Variants in VDAC1 observed in about 807,000 individuals in gnomAD.
VDAC1 encodes non-selective voltage-gated ion channel VDAC1.
VDAC1 carries 10 observed loss-of-function variants against 34.7 expected under a neutral mutation model. The observed-to-expected ratio is 0.29, with a 90% CI of 0.18 to 0.49. VDAC1 has a LOEUF of 0.49. Among genes scored for constraint, VDAC1 ranks in the 20% least tolerant of loss-of-function variants. The pLI, the probability that VDAC1 is intolerant of heterozygous loss-of-function variation, is 0.99. For missense variants in VDAC1, 230 were observed against 347.9 expected, an observed-to-expected ratio of 0.66 and a Z score of 2.69; for synonymous variants, 130 against 136.0, an observed-to-expected ratio of 0.96 and a Z score of 0.30.
chr5:134,075,636 T>G, the VDAC1 span, among the ~76,000 whole-genome samples: 5 of 152,222 alleles, frequency 3.3e-5, no homozygotes. Context: ...CAGGCTCGAG[T>G]GCAGTGGCGC....
the VDAC1 span, among the ~76,000 whole-genome samples, chr5:134,025,817 A>G: frequency 6.6e-6 from 1 of 151,924 alleles, no homozygotes; most frequent in African/African-American, 2.4e-5. Context: ...GCTGGTCTTG[A>G]ACTCCTGGCC....
At chr5:134,084,902 A>G in the VDAC1 span, among the ~76,000 whole-genome samples, 1 of 152,216 alleles carries the variant, frequency 6.6e-6, no homozygotes, top group Non-Finnish European at 1.5e-5. Flanking sequence ...CCAGAGATCT[A>G]AAGTAGCTGA....
chr5:134,055,259 C>T, the VDAC1 span, among the ~76,000 whole-genome samples: 1 of 152,108 alleles, frequency 6.6e-6, no homozygotes, highest in African/African-American at 2.4e-5. Context: ...GCAGTTGGAC[C>T]CCGCTGTGGT....
chr5:134,048,833 AT>A, the VDAC1 span, among the ~76,000 whole-genome samples: 27 of 152,086 alleles, frequency 1.8e-4, no homozygotes, highest in African/African-American at 6.3e-4. Context: ...TTCATTTGGC[AT>A]TAATTTATTT....
chr5:134,031,218 C>T, the VDAC1 span, among the ~76,000 whole-genome samples: 1 of 151,048 alleles, frequency 6.6e-6, no homozygotes, highest in South Asian at 2.1e-4. Flanking sequence ...ACATTGAAGA[C>T]CTCCTGGTTT....
At chr5:134,073,963 G>A in the VDAC1 span, among the ~76,000 whole-genome samples, 1 of 152,154 alleles carries the variant, frequency 6.6e-6, no homozygotes, top group African/African-American at 2.4e-5. Flanking sequence ...CTTTAAAAAT[G>A]TTATGTTTTT....
chr5:134,042,153 G>A, the VDAC1 span, among the ~76,000 whole-genome samples: 1 of 152,170 alleles, frequency 6.6e-6, no homozygotes, highest in African/African-American at 2.4e-5. Context: ...TCGGAAGCAG[G>A]GCTGTCTACT....
intron 6 of VDAC1, among the ~76,000 whole-genome samples, chr5:133,978,982 G>A (rs1278609261): frequency 6.6e-6 from 1 of 151,980 alleles, no homozygotes; most frequent in African/African-American, 2.4e-5. Context: ...CTCCAGCCTG[G>A]GTGAGAGAGT....
the VDAC1 span, among the ~76,000 whole-genome samples, chr5:134,033,849 G>A: frequency 5.3e-5 from 8 of 151,482 alleles, no homozygotes; most frequent in East Asian, 1.9e-4. Flanking sequence ...AAAATTAGCC[G>A]GGAGTGGTGG....
the VDAC1 span, among the ~76,000 whole-genome samples, chr5:134,023,481 A>G: frequency 4.4e-5 from 1 of 22,560 alleles, no homozygotes; most frequent in Non-Finnish European, 1.1e-4. Flanking sequence ...AACTTAAAGT[A>G]AAAAAAAAAA....
At chr5:134,082,269 A>T in the VDAC1 span, among the ~76,000 whole-genome samples, 319 of 152,334 alleles carry the variant, frequency 2.1e-3, 4 homozygotes, top group Non-Finnish European at 1.7e-3. Context: ...GCTTTCTGTC[A>T]ATATAGATTC....
At chr5:134,036,813 C>T in the VDAC1 span, among the ~76,000 whole-genome samples, 1 of 151,988 alleles carries the variant, frequency 6.6e-6, no homozygotes, top group East Asian at 1.9e-4. Flanking sequence ...ATTAGCCAGG[C>T]ATGATGGCGA....
chr5:133,987,550 C>G (rs1479601378), intron 5 of VDAC1, among the ~76,000 whole-genome samples: 1 of 152,090 alleles, frequency 6.6e-6, no homozygotes, highest in African/African-American at 2.4e-5. Flanking sequence ...TGGTGGCACA[C>G]GCCTGTGGTC....
chr5:133,997,275 T>C (rs1753350987), intron 1 of VDAC1, among the ~76,000 whole-genome samples: 1 of 152,034 alleles, frequency 6.6e-6, no homozygotes, highest in Non-Finnish European at 1.5e-5. Flanking sequence ...CTCAAAGATG[T>C]GTATATGAGG....
chr5:134,006,316 C>T (rs997879896), upstream of VDAC1, among the ~76,000 whole-genome samples: 2 of 152,128 alleles, frequency 1.3e-5, no homozygotes, highest in Admixed American at 6.5e-5. Flanking sequence ...TCAGGGAGGC[C>T]GGGCGGGACA....
chr5:134,006,168 C>T (rs2127048836), upstream of VDAC1, among the ~76,000 whole-genome samples: 1 of 152,150 alleles, frequency 6.6e-6, no homozygotes, highest in Middle Eastern at 3.4e-3. Flanking sequence ...AGGAAGAGCC[C>T]CCTTCAAGAT....
the VDAC1 span, among the ~76,000 whole-genome samples, chr5:134,067,216 C>T: frequency 1.2e-3 from 177 of 151,662 alleles, no homozygotes; most frequent in African/African-American, 4.1e-3. Context: ...GCTGGGATTA[C>T]AGGCATATGC....
the VDAC1 span, among the ~76,000 whole-genome samples, chr5:134,080,099 G>A: frequency 1.3e-5 from 2 of 152,228 alleles, no homozygotes; most frequent in Admixed American, 6.5e-5. Context: ...TCCATGTAGA[G>A]AGGCCACAAG....
the VDAC1 span, among the ~76,000 whole-genome samples, chr5:134,040,313 A>C: frequency 6.6e-6 from 1 of 152,230 alleles, no homozygotes; most frequent in South Asian, 2.1e-4. Context: ...GCAGTGGCTC[A>C]TGCCTGTAAT....
Sources: allele counts gnomAD v4.1 joint callset (sites outside exome capture counted in the v4.1 genomes callset), GRCh38; gene constraint gnomAD v4.1.1; transcripts MANE v1.5; gene names NCBI Gene and HGNC (gene_info 2026-07-23, HGNC 2026-07-21).